The following SPINK9 variants were observed in gnomAD, a reference collection of about 807,000 sequenced individuals.
SPINK9 encodes the protein serine peptidase inhibitor Kazal type 9.
SPINK9 carries 3 observed loss-of-function variants against 10.8 expected under a neutral mutation model. That is an observed-to-expected ratio of 0.28 (90% CI 0.13 to 0.72). The LOEUF is 0.72. Among genes scored for constraint, SPINK9 ranks in the 30% least tolerant of loss-of-function variants. SPINK9 has a pLI of 0.74. For synonymous variants in SPINK9, 30 were observed against 31.2 expected (o/e 0.96, Z 0.12); for missense variants, 101 against 103.2 (o/e 0.98, Z 0.09).
intron 3 of SPINK9, 81 bp downstream of exon 3, chr5:148,338,686 T>A: frequency 9.3e-7 from 1 of 1,075,496 alleles, no homozygotes; most frequent in African/African-American, 1.6e-5. Context: ...ATGTAGGGCC[T>A]AAGGAATATG....
intron 1 of SPINK9, among the ~76,000 whole-genome samples, chr5:148,322,635 G>A (rs1014901724): frequency 2.0e-5 from 3 of 152,136 alleles, no homozygotes; most frequent in African/African-American, 7.2e-5. Context: ...ACTATGATAT[G>A]ACCTAGTACG....
chr5:148,326,621 G>A (rs942553273), intron 2 of SPINK9, among the ~76,000 whole-genome samples: 3 of 151,956 alleles, frequency 2.0e-5, no homozygotes, highest in African/African-American at 7.3e-5. Context: ...CCATTAACTC[G>A]TCATTTAGCA....
chr5:148,328,257 T>C (rs915059685), intron 2 of SPINK9, among the ~76,000 whole-genome samples: 1 of 152,182 alleles, frequency 6.6e-6, no homozygotes, highest in African/African-American at 2.4e-5. Context: ...TATTTTATTC[T>C]CTTTGAAGCA....
chr5:148,330,332 G>A (rs1757131462), intron 2 of SPINK9, among the ~76,000 whole-genome samples: 1 of 152,080 alleles, frequency 6.6e-6, no homozygotes, highest in Admixed American at 6.6e-5. Flanking sequence ...TGCAACCCCT[G>A]CCTTTTTTTG....
chr5:148,331,443 A>G (rs1047498508), upstream of SPINK9, among the ~76,000 whole-genome samples: 1 of 152,182 alleles, frequency 6.6e-6, no homozygotes, highest in African/African-American at 2.4e-5. Flanking sequence ...AGTAGGAGAG[A>G]GTAGAATGGT....
chr5:148,331,962 A>G (rs1450661718), upstream of SPINK9, among the ~76,000 whole-genome samples: 1 of 152,150 alleles, frequency 6.6e-6, no homozygotes, highest in Admixed American at 6.5e-5. Context: ...CAATTTGAGG[A>G]ATATGACCAT....
upstream of SPINK9, among the ~76,000 whole-genome samples, chr5:148,334,531 T>C (rs1269367261): frequency 6.6e-6 from 1 of 152,028 alleles, no homozygotes; most frequent in East Asian, 1.9e-4. Context: ...GCCAATATGG[T>C]GAAATCCGGT....
intron 2 of SPINK9, among the ~76,000 whole-genome samples, chr5:148,327,397 G>A (rs1195331495): frequency 6.6e-6 from 1 of 152,036 alleles, no homozygotes; most frequent in Non-Finnish European, 1.5e-5. Flanking sequence ...TGCAGATTCT[G>A]GATATTAGCC....
upstream of SPINK9, among the ~76,000 whole-genome samples, chr5:148,333,017 A>G (rs75871444): frequency 0.017 from 2,617 of 152,204 alleles, 76 homozygotes; most frequent in African/African-American, 0.059. Flanking sequence ...AATTTTTCAT[A>G]TTTTGCCTCA....
In SPINK9 at chr5:148,339,679, C is replaced by A; in HGVS notation, c.228C>A (p.Gly76=). The part of the protein sequence containing the change: ...FFCSKVKKTD[G]TLKFVHFGKC ...ATTCTCTCCACAGGAAAACTGACGG[C>A]ACACTTAAATTTGTACATTTTGGAA... Residue 76 remains glycine (G), a synonymous_variant, in exon 4 of 4, where the codon GGC becomes GGA. Coordinates refer to ENST00000377906, the MANE Select transcript of SPINK9 (RefSeq NM_001040433.2). The A allele has an allele frequency of 6.2e-7, 1 of 1,612,734 alleles. No homozygotes were observed. Among genetic ancestry groups the A allele is most frequent in the Non-Finnish European group, 8.5e-7 (1 of 1,179,238 alleles).
intron 1 of SPINK9, 131 bp downstream of exon 1, chr5:148,335,799 G>T: frequency 9.2e-7 from 1 of 1,086,668 alleles, no homozygotes; most frequent in Non-Finnish European, 1.3e-6. Context: ...TGAATCTTTT[G>T]CCTCAACCAA....
At chr5:148,327,766 C>A (rs1422326049) in intron 2 of SPINK9, among the ~76,000 whole-genome samples, 1 of 151,840 alleles carries the variant, frequency 6.6e-6, no homozygotes, top group African/African-American at 2.4e-5. Flanking sequence ...ATAGGGAATC[C>A]TTTCCCCATT....
intron 2 of SPINK9, among the ~76,000 whole-genome samples, chr5:148,326,314 C>T (rs1757059062): frequency 1.3e-5 from 2 of 152,148 alleles, no homozygotes. Flanking sequence ...TTAGTACAGT[C>T]ATTTTGGAAA....
intron 1 of SPINK9, among the ~76,000 whole-genome samples, chr5:148,322,641 G>T (rs1215297769): frequency 6.6e-6 from 1 of 152,122 alleles, no homozygotes. Context: ...ATATGACCTA[G>T]TACGTATATC....
chr5:148,339,420 C>A (rs1757260526), intron 3 of SPINK9, among the ~76,000 whole-genome samples: 1 of 151,398 alleles, frequency 6.6e-6, no homozygotes, highest in African/African-American at 2.4e-5. Context: ...ATGTGTGTTT[C>A]CCTTAAATTA....
upstream of SPINK9, chr5:148,335,419 G>A (rs1410134808): frequency 3.9e-6 from 2 of 519,102 alleles, no homozygotes; most frequent in Non-Finnish European, 6.9e-6. Flanking sequence ...GCAATTACCT[G>A]TCTTTCACAA....
intron 1 of SPINK9, among the ~76,000 whole-genome samples, chr5:148,322,375 T>C (rs1275697292): frequency 1.3e-5 from 2 of 152,174 alleles, no homozygotes; most frequent in East Asian, 1.9e-4. Flanking sequence ...AACAATGATA[T>C]AGAATGTGCA....
intron 2 of SPINK9, among the ~76,000 whole-genome samples, chr5:148,328,139 C>T (rs1213928505): frequency 1.3e-5 from 2 of 152,166 alleles, no homozygotes; most frequent in Non-Finnish European, 2.9e-5. Context: ...TATCCATGAG[C>T]AAGGAATGTT....
At chr5:148,337,018 A>T (rs1757226166) in intron 2 of SPINK9, among the ~76,000 whole-genome samples, 1 of 152,126 alleles carries the variant, frequency 6.6e-6, no homozygotes, top group African/African-American at 2.4e-5. Flanking sequence ...GGGCCTGGGA[A>T]ATTTATTTTA....
Sources: gnomAD v4.1 joint callset for allele counts (sites outside exome capture counted in the v4.1 genomes callset) on GRCh38, gnomAD v4.1.1 for gene constraint, MANE v1.5 for transcripts, NCBI Gene and HGNC (gene_info 2026-07-23, HGNC 2026-07-21) for gene names.